TMPRSS9: variants seen among roughly 807,000 people sequenced by gnomAD.
The protein encoded by TMPRSS9 is transmembrane protease serine 9.
In TMPRSS9, 113 loss-of-function variants were observed where a neutral mutation model predicts 111.4. The ratio of observed to expected loss-of-function variants is 1.01; its 90% CI spans 0.87 to 1.19. The LOEUF is 1.19. Ranked by LOEUF, TMPRSS9 falls within the 50% of genes most tolerant of loss-of-function variation. The pLI is 0.00. For missense variants in TMPRSS9, 1,803 were observed against 1,513.1 expected (o/e 1.19, Z -3.18); for synonymous variants, 805 against 659.1 (o/e 1.22, Z -3.39).
intron 4 of TMPRSS9, among the ~76,000 whole-genome samples, chr19:2,399,759 C>G (rs917921152): frequency 1.3e-5 from 2 of 151,892 alleles, no homozygotes; most frequent in African/African-American, 4.8e-5. Flanking sequence ...ACTCTGTTGC[C>G]CAGTCTGGAG....
intron 6 of TMPRSS9, among the ~76,000 whole-genome samples, chr19:2,404,031 G>A (rs1321191969): frequency 5.3e-5 from 8 of 151,706 alleles, no homozygotes; most frequent in Non-Finnish European, 7.4e-5. Flanking sequence ...TAGCCAGCGT[G>A]GTGGTGGGCG....
intron 9 of TMPRSS9, among the ~76,000 whole-genome samples, chr19:2,413,170 G>A (rs1283408917): frequency 2.6e-5 from 4 of 152,096 alleles, no homozygotes; most frequent in Non-Finnish European, 5.9e-5. Flanking sequence ...ACTCCAGCCT[G>A]GGCAACAGAG....
chr19:2,367,244 A>G (rs1970254505), intron 1 of TMPRSS9, among the ~76,000 whole-genome samples: 1 of 152,172 alleles, frequency 6.6e-6, no homozygotes, highest in Non-Finnish European at 1.5e-5. Context: ...AAACCACCAC[A>G]TCTATAACCT....
chr19:2,411,462 A>G, intron 9 of TMPRSS9, among the ~76,000 whole-genome samples: 1 of 131,704 alleles, frequency 7.6e-6, no homozygotes, highest in Admixed American at 7.9e-5. Flanking sequence ...CAGTGGTGTG[A>G]TCTCAGCTCA....
At position 2,391,237 on chromosome 19, in the gene TMPRSS9, C is replaced by CAAAAAAAAA. The variant is rs10650164; in HGVS notation, c.142+1324_142+1332dup. Among the ~76,000 whole-genome samples the CAAAAAAAAA allele has an allele frequency of 4.9e-3, 259 of 52,994 alleles. 29 individuals carry two copies. Among genetic ancestry groups the CAAAAAAAAA allele is most frequent in the African/African-American group, 0.013 (121 of 8,968 alleles). 34.8% of individuals were successfully genotyped at this position (52,994 alleles called of 152,430 possible). On this transcript the variant is annotated intron_variant, in intron 1 of 17. Coordinates refer to ENST00000648592, the Ensembl canonical transcript of TMPRSS9. Reference sequence around the variant, plus strand: ...CCTGGGCAACAGAGCAATTCCATCTCAAAAAAAAAAAAAAAAAAAAAAGTT... The same window carrying CAAAAAAAAA: ...CCTGGGCAACAGAGCAATTCCATCTCAAAAAAAAAAAAAAAAAAAAAAAAAAAAAAAGTT...
At chr19:2,384,995 AAGAG>A (rs201318971), upstream of TMPRSS9, among the ~76,000 whole-genome samples, 1 of 147,334 alleles carries the variant, frequency 6.8e-6, no homozygotes, top group African/African-American at 2.5e-5. Flanking sequence ...AAAAAAAAAA[AAGAG>A]AGAAAAGCCC....
rs543771784 is a variant in TMPRSS9, at chr19:2,397,965, G to A, written c.271-830G>A. Among the ~76,000 whole-genome samples, 44 of 126,056 alleles carry A rather than the reference G, an allele frequency of 3.5e-4. 1 individual carries two copies. In the South Asian group the frequency reaches 0.011, roughly 31 times the overall value. The allele number at this position is 126,056 out of a possible 152,430, so 82.7% of individuals were successfully genotyped here. A position where few individuals can be genotyped will look rare whatever the true frequency, so the allele number is the denominator to read the frequency against. On this transcript the variant is annotated intron_variant, in intron 2 of 17. Coordinates refer to ENST00000648592, the Ensembl canonical transcript of TMPRSS9. Reference sequence around the variant, plus strand: ...AGGCTGGGCGTGGTGGCTCACGCCTGTGACGCCTCCTGGGCTCAAGCAATC... The same window carrying A: ...AGGCTGGGCGTGGTGGCTCACGCCTATGACGCCTCCTGGGCTCAAGCAATC...
chr19:2,422,453 C>T (rs1382256574), intron 14 of TMPRSS9, among the ~76,000 whole-genome samples: 2 of 151,870 alleles, frequency 1.3e-5, no homozygotes, highest in Admixed American at 6.6e-5. Flanking sequence ...TGGTGGTGGG[C>T]GCCTGTAGTC....
At chr19:2,377,283 ATG>A (rs1568169891) in intron 1 of TMPRSS9, among the ~76,000 whole-genome samples, 39 of 117,366 alleles carry the variant, frequency 3.3e-4, no homozygotes, top group Middle Eastern at 3.6e-3. Context: ...GTATGTATGT[ATG>A]TATGTATATA....
At chr19:2,394,946 T>G (rs865944340) in intron 1 of TMPRSS9, among the ~76,000 whole-genome samples, 4 of 152,214 alleles carry the variant, frequency 2.6e-5, no homozygotes. Context: ...TTATTTTTGC[T>G]GTACTTTGTA....
upstream of TMPRSS9, chr19:2,389,738 C>T (rs745408032): frequency 6.4e-7 from 1 of 1,574,746 alleles, no homozygotes; most frequent in East Asian, 2.3e-5. Flanking sequence ...CCCCGTGTTT[C>T]TGTCTTGCTG....
chr19:2,384,778 G>A (rs1007738015), upstream of TMPRSS9, among the ~76,000 whole-genome samples: 14 of 142,848 alleles, frequency 9.8e-5, no homozygotes, highest in African/African-American at 3.2e-4. Context: ...TCGCACCACC[G>A]CACTCCAGCC....
exon 14 of TMPRSS9, chr19:2,421,953 C>A: frequency 6.2e-7 from 1 of 1,613,196 alleles, no homozygotes; most frequent in South Asian, 1.1e-5. Context: ...GGTTAAGAAG[C>A]CGGGCGTGTA....
intron 1 of TMPRSS9, among the ~76,000 whole-genome samples, chr19:2,374,248 CTTTTTTTTTTTTTTTTTTTTTTTTT>C (rs1027376774): frequency 4.3e-5 from 3 of 70,400 alleles, no homozygotes; most frequent in African/African-American, 9.8e-5. Flanking sequence ...TCTCAACAAT[CTTTTTTTTTTTTTTTTTTTTTTTTT>C]TTTTTTTTTT....
At chr19:2,384,417 T>A (rs1599281176) in intron 1 of TMPRSS9, among the ~76,000 whole-genome samples, 1 of 152,178 alleles carries the variant, frequency 6.6e-6, no homozygotes, top group African/African-American at 2.4e-5. Context: ...GGCTCCCGCC[T>A]GTAATCCCAG....
chr19:2,368,516 C>T (rs1191463035), intron 1 of TMPRSS9, among the ~76,000 whole-genome samples: 3 of 152,052 alleles, frequency 2.0e-5, no homozygotes, highest in African/African-American at 4.8e-5. Context: ...CAGTTAGACC[C>T]GGTCGCTGTG....
intron 1 of TMPRSS9, among the ~76,000 whole-genome samples, chr19:2,377,364 G>T (rs1045458124): frequency 6.9e-6 from 1 of 145,554 alleles, no homozygotes; most frequent in African/African-American, 2.6e-5. Context: ...CAACATCATG[G>T]GCTCAAGCAG....
chr19:2,398,926 C>T, intron 3 of TMPRSS9, 64 bp downstream of exon 4: 1 of 1,532,314 alleles, frequency 6.5e-7, no homozygotes, highest in Non-Finnish European at 8.7e-7. Flanking sequence ...CTGGAGGAGT[C>T]CAGAAAAGTT....
chr19:2,421,374 C>T (rs963681408), intron 13 of TMPRSS9, among the ~76,000 whole-genome samples: 2 of 151,404 alleles, frequency 1.3e-5, no homozygotes, highest in Non-Finnish European at 1.5e-5. Flanking sequence ...CTGCAAGCTC[C>T]GCCTCCCGGG....
Sources: allele counts gnomAD v4.1 joint callset (sites outside exome capture counted in the v4.1 genomes callset), GRCh38; gene constraint gnomAD v4.1.1; transcripts MANE v1.5; gene names NCBI Gene and HGNC (gene_info 2026-07-23, HGNC 2026-07-21).